NELL1: variants seen among roughly 807,000 people sequenced by gnomAD.
NELL1 encodes the protein neural EGFL like 1, also known as protein kinase C-binding protein NELL1.
NELL1 carries 76 observed loss-of-function variants against 107.4 expected under a neutral mutation model. That is an observed-to-expected ratio of 0.71 (90% confidence interval 0.59 to 0.86). The LOEUF (loss-of-function observed/expected upper bound fraction) is 0.86. Ranked by LOEUF, NELL1 falls within the 40% of genes least tolerant of loss-of-function variation. NELL1 has a pLI of 0.00. For synonymous variants in NELL1, 353 were observed against 341.2 expected (o/e 1.03, Z -0.38); for missense variants, 1,024 against 1,005.5 (o/e 1.02, Z -0.25).
At chr11:21,299,775 T>A (rs911785715) in intron 14 of NELL1, among the ~76,000 whole-genome samples, 12 of 152,034 alleles carry the variant, frequency 7.9e-5, no homozygotes, top group African/African-American at 2.9e-4. Flanking sequence ...AATAAGTGGC[T>A]GTCCTCTAAG....
chr11:21,264,071 G>GGTGTGTGTGT (rs10525326), intron 14 of NELL1, among the ~76,000 whole-genome samples: 21,274 of 139,320 alleles, frequency 0.15, 2,064 homozygotes, highest in South Asian at 0.32. Context: ...TCTACAATGG[G>GGTGTGTGTGT]GTGTGTGTGT....
At position 21,478,435 on chromosome 11, in the gene NELL1, A is replaced by G. The variant is rs1854403661; in HGVS notation, c.1646-55939A>G. 2.0e-5 allele frequency among the ~76,000 whole-genome samples: 3 copies of G among 152,282 alleles called. No homozygotes were observed. In the South Asian group the frequency reaches 6.2e-4, roughly 32 times the overall value. ...CCACAAAGTCTTAACTTATTCCAGC[A>G]TTAACTCAATAGTTTAAGTACAAAG... On this transcript the variant is annotated intron_variant, in intron 15 of 19. Transcript: ENST00000357134.
chr11:21,019,229 C>A (rs1284623066), intron 12 of NELL1, among the ~76,000 whole-genome samples: 1 of 152,046 alleles, frequency 6.6e-6, no homozygotes, highest in African/African-American at 2.4e-5. Context: ...GATTAAATTT[C>A]CTAATTCTAG....
At chr11:21,376,944 T>G (rs1851494979) in intron 15 of NELL1, among the ~76,000 whole-genome samples, 1 of 152,058 alleles carries the variant, frequency 6.6e-6, no homozygotes, top group East Asian at 1.9e-4. Context: ...AGAAGCCTTT[T>G]GGTAGTCTTT....
intron 14 of NELL1, among the ~76,000 whole-genome samples, chr11:21,263,548 G>A (rs1217379408): frequency 2.0e-5 from 3 of 152,030 alleles, no homozygotes; most frequent in South Asian, 2.1e-4. Flanking sequence ...ATTCAGTTGT[G>A]TGTGGTGTTC....
At chr11:21,145,908 G>A (rs1185975808) in intron 13 of NELL1, among the ~76,000 whole-genome samples, 3 of 152,124 alleles carry the variant, frequency 2.0e-5, no homozygotes, top group African/African-American at 7.2e-5. Context: ...CTTCTTTTAT[G>A]TCTTTCCCTC....
Position 20,811,169 on chromosome 11 carries a change from G to A in NELL1, c.335+27339G>A, listed in dbSNP as rs114788105. Among the ~76,000 whole-genome samples, 820 of 152,180 alleles carry A rather than the reference G, an allele frequency of 5.4e-3. 5 individuals carry two copies. Among genetic ancestry groups the A allele is most frequent in the African/African-American group, 0.018 (764 of 41,532 alleles). Reference sequence around the variant, plus strand: ...CCATTTTGAGTTAGTTATTGTATACGTTAAGAAATAACGGTCTAATTTTAT... The same window carrying A: ...CCATTTTGAGTTAGTTATTGTATACATTAAGAAATAACGGTCTAATTTTAT... On this transcript the variant is annotated intron_variant, in intron 3 of 19. Transcript: ENST00000357134.
Position 21,215,936 on chromosome 11 carries a change from A to G in NELL1, c.1427-13396A>G, listed in dbSNP as rs1025818888. Among the ~76,000 whole-genome samples the G allele has an allele frequency of 5.3e-5, 8 of 152,298 alleles. No homozygotes were observed. In the East Asian group the frequency reaches 1.5e-3, roughly 29 times the overall value. ...GGGCTGAGTGTTAATCACCAAGGCA[A>G]TGGGAAAAATGTCTCCAGGGCATGT... On this transcript the variant is annotated intron_variant, in intron 13 of 19. Coordinates refer to ENST00000357134, the MANE Select transcript of NELL1 (RefSeq NM_006157.5).
At chr11:21,111,330 T>C (rs370822930) in intron 12 of NELL1, among the ~76,000 whole-genome samples, 14 of 152,232 alleles carry the variant, frequency 9.2e-5, no homozygotes, top group African/African-American at 3.1e-4. Flanking sequence ...AAATGATGCT[T>C]TCCATTTCTA....
chr11:21,196,562 T>C (rs774239449), intron 13 of NELL1, among the ~76,000 whole-genome samples: 4 of 152,232 alleles, frequency 2.6e-5, no homozygotes, highest in African/African-American at 9.6e-5. Context: ...TCTTCATTTA[T>C]GTGTCCTCAG....
At chr11:21,550,534 G>A (rs1856554064) in intron 16 of NELL1, among the ~76,000 whole-genome samples, 1 of 151,936 alleles carries the variant, frequency 6.6e-6, no homozygotes, top group South Asian at 2.1e-4. Flanking sequence ...GTAAGGAAGG[G>A]ATCCAGTTTC....
chr11:20,827,341 G>T (rs527347745), intron 3 of NELL1, among the ~76,000 whole-genome samples: 1 of 151,352 alleles, frequency 6.6e-6, no homozygotes, highest in African/African-American at 2.4e-5. Flanking sequence ...CTTTCTTTCT[G>T]TATGGCTTGG....
At chr11:20,721,445 G>T (rs1379100593) in intron 2 of NELL1, among the ~76,000 whole-genome samples, 3 of 151,776 alleles carry the variant, frequency 2.0e-5, no homozygotes, top group Non-Finnish European at 2.9e-5. Context: ...TCACCCCCTG[G>T]GATTCATGCA....
At chr11:20,894,997 C>T (rs1849695614) in intron 5 of NELL1, among the ~76,000 whole-genome samples, 2 of 143,398 alleles carry the variant, frequency 1.4e-5, no homozygotes, top group Admixed American at 6.7e-5. Context: ...TCTGGCCGGG[C>T]GCGGTGGCTC....
intron 12 of NELL1, among the ~76,000 whole-genome samples, chr11:20,975,355 T>C (rs1236617134): frequency 6.6e-6 from 1 of 151,818 alleles, no homozygotes; most frequent in Admixed American, 6.6e-5. Flanking sequence ...TCTAAATGTA[T>C]ATCATCCATT....
In NELL1 at chr11:21,248,341, C is replaced by CAA. The variant is rs373293988; in HGVS notation, c.1549+18898_1549+18899dup. Among the ~76,000 whole-genome samples the CAA allele has an allele frequency of 1.3e-3, 159 of 126,894 alleles. 2 individuals carry two copies. Among genetic ancestry groups the CAA allele is most frequent in the Non-Finnish European group, 1.8e-3 (109 of 59,852 alleles). 83.2% of individuals were successfully genotyped at this position (126,894 alleles called of 152,430 possible). ...AGCCTGAGTGACAGTGAGAGCCTGT[C>CAA]AAAAAAAAAAAAGAAAAGAAAAGAA... On this transcript the variant is annotated intron_variant, in intron 14 of 19. Coordinates refer to ENST00000357134, the MANE Select transcript of NELL1 (RefSeq NM_006157.5).
chr11:21,211,561 T>C (rs2133860926), intron 13 of NELL1, among the ~76,000 whole-genome samples: 1 of 152,194 alleles, frequency 6.6e-6, no homozygotes, highest in South Asian at 2.1e-4. Context: ...GTAAGTGCAG[T>C]ATGAAAAATA....
intron 2 of NELL1, among the ~76,000 whole-genome samples, chr11:20,724,129 C>T (rs1009490120): frequency 1.3e-5 from 2 of 152,158 alleles, no homozygotes; most frequent in African/African-American, 2.4e-5. Flanking sequence ...CCATTTTTCC[C>T]TCCTAGGCCT....
intron 15 of NELL1, among the ~76,000 whole-genome samples, chr11:21,390,064 T>G (rs927721458): frequency 9.3e-5 from 14 of 150,214 alleles, no homozygotes; most frequent in African/African-American, 1.5e-4. Flanking sequence ...TTGTCAGTAC[T>G]TACTTATTAC....
Sources: gnomAD v4.1 joint callset for allele counts (sites outside exome capture counted in the v4.1 genomes callset) on GRCh38, gnomAD v4.1.1 for gene constraint, MANE v1.5 for transcripts, NCBI Gene and HGNC (gene_info 2026-07-23, HGNC 2026-07-21) for gene names.